Variants in IL5RA observed in about 807,000 individuals in gnomAD.
The protein encoded by IL5RA is interleukin 5 receptor subunit alpha, also known as interleukin-5 receptor subunit alpha.
IL5RA carries 49 observed loss-of-function variants against 50.0 expected under a neutral mutation model. That is an observed-to-expected ratio of 0.98 (90% CI 0.78 to 1.24). The LOEUF (loss-of-function observed/expected upper bound fraction) is 1.24. IL5RA is among the 50% of genes most tolerant of loss of function. The pLI is 0.00. For missense variants in IL5RA, 600 were observed against 500.4 expected (o/e 1.20, Z -1.90); for synonymous variants, 202 against 174.0 (o/e 1.16, Z -1.26).
intron 2 of IL5RA, among the ~76,000 whole-genome samples, chr3:3,106,801 C>T (rs765821940): frequency 6.6e-6 from 1 of 152,080 alleles, no homozygotes; most frequent in Non-Finnish European, 1.5e-5. Flanking sequence ...TGATTTTGCA[C>T]TAATTTTCAA....
At chr3:3,077,000 A>C (rs1185791371) in intron 9 of IL5RA, among the ~76,000 whole-genome samples, 1 of 152,216 alleles carries the variant, frequency 6.6e-6, no homozygotes, top group Non-Finnish European at 1.5e-5. Context: ...AATCCACAAA[A>C]AGATAAGCCT....
chr3:3,071,597 A>ATT (rs113446607), intron 11 of IL5RA, among the ~76,000 whole-genome samples: 11 of 55,756 alleles, frequency 2.0e-4, no homozygotes, highest in African/African-American at 7.1e-4. Context: ...GTGTGTGTGT[A>ATT]TTTTTTTTTT....
intron 11 of IL5RA, among the ~76,000 whole-genome samples, chr3:3,071,789 C>T (rs983433934): frequency 5.3e-5 from 8 of 152,074 alleles, no homozygotes; most frequent in African/African-American, 7.2e-5. Flanking sequence ...GGGGTTTTGC[C>T]ATGTTGGCCA....
rs145806166 is a variant in IL5RA, at chr3:3,092,879, G to A, written c.856-517C>T. On this transcript the variant is annotated intron_variant, in intron 8 of 11. Transcript: ENST00000446632. The surrounding 1 kb of genome is among the most constrained non-coding windows in gnomAD (Gnocchi z 4.2). ...TGACACCTGTATCTTGAATACCCCCGGAGGTGTTTCTCCCTTTTTTACTCC... is the reference window on the plus strand; with the variant it reads ...TGACACCTGTATCTTGAATACCCCCAGAGGTGTTTCTCCCTTTTTTACTCC... Among the ~76,000 whole-genome samples the A allele has an allele frequency of 7.1e-4, 108 of 152,114 alleles. 1 individual carries two copies. Among genetic ancestry groups the A allele is most frequent in the African/African-American group, 1.1e-3 (44 of 41,496 alleles).
intron 9 of IL5RA, among the ~76,000 whole-genome samples, chr3:3,082,891 G>A (rs1209488430): frequency 6.6e-6 from 1 of 152,168 alleles, no homozygotes; most frequent in Non-Finnish European, 1.5e-5. Context: ...AACTTTCAGT[G>A]CTTACATATT....
chr3:3,090,583 T>TG (rs1213284104), intron 9 of IL5RA, among the ~76,000 whole-genome samples: 1 of 150,000 alleles, frequency 6.7e-6, no homozygotes, highest in African/African-American at 2.5e-5. Flanking sequence ...TTTTTTTTTT[T>TG]TGAGATGGAG....
Position 3,074,764 on chromosome 3 carries a change from A to T in IL5RA, c.1176+18T>A. 1 of 1,467,116 alleles carries T rather than the reference A, an allele frequency of 6.8e-7. No homozygotes were observed. The highest frequency in any genetic ancestry group is 9.6e-7 in the Non-Finnish European group (1 of 1,046,158). 90.9% of individuals were successfully genotyped at this position (1,467,116 alleles called of 1,614,324 possible). The stretch of plus-strand genomic sequence containing the variant: ...ACCCTGGACACATACGGCATATCAT[A>T]AGAACTTTCAACATTACCTCATAGT... On this transcript the variant is annotated intron_variant, in intron 11 of 11. Transcript: ENST00000446632.
chr3:3,093,955 T>C (rs1703245613), intron 8 of IL5RA, among the ~76,000 whole-genome samples: 1 of 152,200 alleles, frequency 6.6e-6, no homozygotes, highest in Non-Finnish European at 1.5e-5. Context: ...CACTTTCCTA[T>C]AAAATGGGAA....
chr3:3,088,851 C>T (rs1702977764), intron 9 of IL5RA, among the ~76,000 whole-genome samples: 1 of 152,150 alleles, frequency 6.6e-6, no homozygotes, highest in Non-Finnish European at 1.5e-5. Flanking sequence ...TGGGGAGTAA[C>T]ATAAAGCATT....
intron 9 of IL5RA, among the ~76,000 whole-genome samples, chr3:3,080,528 C>T (rs1702627603): frequency 6.6e-6 from 1 of 152,170 alleles, no homozygotes; most frequent in Non-Finnish European, 1.5e-5. Context: ...CTCTGTGCTT[C>T]ACTGTGGGAA....
At chr3:3,106,854 T>C (rs1703947655) in intron 2 of IL5RA, among the ~76,000 whole-genome samples, 1 of 152,076 alleles carries the variant, frequency 6.6e-6, no homozygotes, top group Non-Finnish European at 1.5e-5. Context: ...AATTAATATT[T>C]CTTTGTGACT....
At chr3:3,096,288 AAAAG>A (rs779876518) in intron 7 of IL5RA, among the ~76,000 whole-genome samples, 948 of 87,258 alleles carry the variant, frequency 0.011, 7 homozygotes, top group African/African-American at 0.038. Context: ...CAAAAAAAAA[AAAAG>A]AAGAAGAAGA....
At chr3:3,104,569 GTTTCTTAACGTTTGGTCATGGGGCC>G (rs17880751) in intron 3 of IL5RA, among the ~76,000 whole-genome samples, 20,996 of 152,174 alleles carry the variant, frequency 0.14, 2,099 homozygotes, top group South Asian at 0.42. Flanking sequence ...TGCAGTGGAA[GTTTCTTAACGTTTGGTCATGGGGCC>G]TTCTAACTAC....
chr3:3,097,706 G>T (rs1032733387), intron 7 of IL5RA, among the ~76,000 whole-genome samples, 164 bp downstream of exon 7: 1 of 152,160 alleles, frequency 6.6e-6, no homozygotes, highest in Admixed American at 6.5e-5. Flanking sequence ...AAACTCACTG[G>T]TGGTGTTGGA....
chr3:3,076,618 T>G lies in IL5RA; in HGVS notation c.1004A>C (p.Glu335Ala), dbSNP rs1325506022. Residue 335 changes from glutamate (E) to alanine (A), a missense_variant, in exon 10 of 12, where the codon GAA becomes GCA. Coordinates refer to ENST00000446632, the MANE Select transcript of IL5RA (RefSeq NM_175726.4). ...AAACCACTCTCTCAAGGGCTTGTGT[T>G]CATCATTTCCTGGTGGAAAACAAAA... The part of the protein sequence containing the change: ...WSQPIYVGND[E>A]HKPLREWFVI... The G allele has an allele frequency of 5.0e-6, 8 of 1,602,174 alleles. No homozygotes were observed. The highest frequency in any genetic ancestry group is 1.3e-5 in the African/African-American group (1 of 74,416).
At chr3:3,073,475 A>G (rs1401645577) in intron 11 of IL5RA, among the ~76,000 whole-genome samples, 2 of 152,240 alleles carry the variant, frequency 1.3e-5, no homozygotes, top group South Asian at 2.1e-4. Context: ...CTTTCACACT[A>G]CAATGGCAGA....
intron 2 of IL5RA, among the ~76,000 whole-genome samples, chr3:3,106,984 G>A (rs1185951809): frequency 6.6e-6 from 1 of 152,088 alleles, no homozygotes; most frequent in African/African-American, 2.4e-5. Flanking sequence ...TATCTCAGTG[G>A]AGAGATAATT....
At chr3:3,087,088 G>A (rs185087764) in intron 9 of IL5RA, among the ~76,000 whole-genome samples, 12 of 152,210 alleles carry the variant, frequency 7.9e-5, no homozygotes, top group Admixed American at 6.5e-4. Context: ...AGGAGCATGG[G>A]GGATGAAAAG....
At chr3:3,099,559 G>A (rs375479074) in intron 5 of IL5RA, among the ~76,000 whole-genome samples, 17 of 151,962 alleles carry the variant, frequency 1.1e-4, no homozygotes, top group African/African-American at 3.9e-4. Flanking sequence ...AGCTGGGGAG[G>A]TCGAGGCTGC....
Sources: gnomAD v4.1 joint callset for allele counts (sites outside exome capture counted in the v4.1 genomes callset) on GRCh38, gnomAD v4.1.1 for gene constraint, Gnocchi (gnomAD v3.1) non-coding constraint, MANE v1.5 for transcripts, NCBI Gene and HGNC (gene_info 2026-07-23, HGNC 2026-07-21) for gene names.